The following CEP164 variants were observed in gnomAD, a reference collection of about 807,000 sequenced individuals.
CEP164 encodes the protein centrosomal protein 164, also known as centrosomal protein of 164 kDa.
Under a neutral mutation model 182.7 loss-of-function variants are expected in CEP164, and 162 were observed. That is an observed-to-expected ratio of 0.89 (90% confidence interval 0.78 to 1.01). The LOEUF is 1.01. Ranked by LOEUF, CEP164 falls within the 50% of genes least tolerant of loss-of-function variation. CEP164 has a pLI of 0.00. For missense variants in CEP164, 1,735 were observed against 1,790.4 expected, an observed-to-expected ratio of 0.97 and a Z score of 0.56; for synonymous variants, 661 against 690.0, an observed-to-expected ratio of 0.96 and a Z score of 0.66.
At chr11:117,374,060 A>G (rs2042490699) in intron 10 of CEP164, among the ~76,000 whole-genome samples, 1 of 152,116 alleles carries the variant, frequency 6.6e-6, no homozygotes, top group Non-Finnish European at 1.5e-5. Flanking sequence ...AAATGTTAGC[A>G]TATAAACATT....
chr11:117,405,959 A>G (rs2046628536), intron 27 of CEP164, among the ~76,000 whole-genome samples: 1 of 152,180 alleles, frequency 6.6e-6, no homozygotes, highest in South Asian at 2.1e-4. Context: ...AAGCCATTCA[A>G]CAAGTCTCTA....
chr11:117,373,344 A>C, intron 9 of CEP164, among the ~76,000 whole-genome samples: 1 of 151,984 alleles, frequency 6.6e-6, no homozygotes, highest in Non-Finnish European at 1.5e-5. Flanking sequence ...CCTGGGGGAC[A>C]GAGCGAGACT....
intron 3 of CEP164, among the ~76,000 whole-genome samples, chr11:117,343,653 G>T (rs989506559): frequency 1.5e-5 from 2 of 137,536 alleles, no homozygotes; most frequent in East Asian, 2.1e-4. Context: ...TTTTTGAGAC[G>T]AAGTCTTGCT....
intron 14 of CEP164, among the ~76,000 whole-genome samples, chr11:117,384,042 A>G (rs1483804679): frequency 1.3e-5 from 2 of 152,144 alleles, no homozygotes; most frequent in African/African-American, 4.8e-5. Flanking sequence ...GTCTCAAATA[A>G]AAACACTAGT....
At chr11:117,357,266 C>T (rs1354440815) in intron 5 of CEP164, among the ~76,000 whole-genome samples, 1 of 151,866 alleles carries the variant, frequency 6.6e-6, no homozygotes, top group Non-Finnish European at 1.5e-5. Flanking sequence ...ACCACCACTC[C>T]CAGCCAATTT....
intron 5 of CEP164, among the ~76,000 whole-genome samples, chr11:117,357,659 T>C (rs139565738): frequency 1.6e-3 from 246 of 152,252 alleles, no homozygotes; most frequent in African/African-American, 2.7e-3. Flanking sequence ...TGACCTCAAG[T>C]GATCTGCCTG....
chr11:117,386,290 C>T (rs1027873193), intron 14 of CEP164: 23 of 152,226 alleles, frequency 1.5e-4, no homozygotes, highest in African/African-American at 4.6e-4. Flanking sequence ...TTATCCTGCT[C>T]ATGGTTTCCT....
At chr11:117,402,630 T>C (rs988063491) in intron 27 of CEP164, among the ~76,000 whole-genome samples, 1 of 152,202 alleles carries the variant, frequency 6.6e-6, no homozygotes, top group African/African-American at 2.4e-5. Flanking sequence ...TACTTCCAAT[T>C]ATGTGGTCAG....
Position 117,381,734 on chromosome 11 carries a change from C to T in CEP164, c.1443C>T (p.Ala481=), listed in dbSNP as rs1454634540. ...CTCCACTTCCACACGAGGAGCGGGCCCAGAGTCCCCCTCGCAGCCTGGCCA... is the reference window on the plus strand; with the variant it reads ...CTCCACTTCCACACGAGGAGCGGGCTCAGAGTCCCCCTCGCAGCCTGGCCA... ...LSPPLPHEER[A]QSPPRSLATE... Residue 481 remains alanine (A), a synonymous_variant, in exon 13 of 33, where the codon GCC becomes GCT. Transcript: ENST00000278935. The T allele has an allele frequency of 6.2e-7, 1 of 1,610,086 alleles. No homozygotes were observed. Among genetic ancestry groups the T allele is most frequent in the East Asian group, 2.2e-5 (1 of 44,810 alleles).
chr11:117,359,670 A>G (rs970604353), intron 5 of CEP164: 1 of 864,080 alleles, frequency 1.2e-6, no homozygotes, highest in Non-Finnish European at 1.4e-6. Context: ...CATCTTAGAC[A>G]TTTTAAGTTT....
At position 117,409,426 on chromosome 11, in the gene CEP164, G is replaced by A. The variant is rs1368548764; in HGVS notation, c.3749-192G>A. 9.9e-6 allele frequency: 6 copies of A among 608,508 alleles called. No homozygotes were observed. Among genetic ancestry groups the A allele is most frequent in the Non-Finnish European group, 1.7e-5 (6 of 349,374 alleles). The allele number at this position is 608,508 out of a possible 1,614,324, so 37.7% of individuals were successfully genotyped here. A position where few individuals can be genotyped will look rare whatever the true frequency, so the allele number is the denominator to read the frequency against. On this transcript the variant is annotated intron_variant, in intron 29 of 32. Transcript: ENST00000278935. This position sits in a 1 kb window ranked among gnomAD's most constrained non-coding sequence, Gnocchi z 4.4. ...CTTGCCCTGGAAACCTGTTTCTCAT[G>A]GCCAGCTTCTCACTTGCACTGTCTG...
intron 14 of CEP164, among the ~76,000 whole-genome samples, chr11:117,383,952 C>G (rs2043644994): frequency 6.6e-6 from 1 of 152,188 alleles, no homozygotes; most frequent in Non-Finnish European, 1.5e-5. Context: ...AGGAGAATTG[C>G]TTGAACCTGG....
At chr11:117,336,430 T>C in intron 2 of CEP164, 2 of 1,389,004 alleles carry the variant, frequency 1.4e-6, no homozygotes, top group Non-Finnish European at 2.0e-6. Context: ...GCATCCTGGA[T>C]ACCCTGGCTG....
chr11:117,323,213 T>C (rs1309514778), upstream of CEP164, among the ~76,000 whole-genome samples: 1 of 152,140 alleles, frequency 6.6e-6, no homozygotes, highest in East Asian at 1.9e-4. Context: ...TTCCTTCTAA[T>C]AGTAACTTTA....
At chr11:117,361,032 T>A (rs1320748813) in intron 5 of CEP164, among the ~76,000 whole-genome samples, 5 of 151,064 alleles carry the variant, frequency 3.3e-5, no homozygotes, top group African/African-American at 1.2e-4. Context: ...CCTCCCGGGT[T>A]CAAGTGATTC....
chr11:117,384,469 C>G (rs2043712534), intron 14 of CEP164: 1 of 152,198 alleles, frequency 6.6e-6, no homozygotes, highest in Non-Finnish European at 1.5e-5. Context: ...GGATGTAGTT[C>G]AGAGAGAGGA....
rs576170494 is a variant in CEP164 at position 117,356,657 on chromosome 11, G to C, written c.393+4669G>C. 1.4e-5 allele frequency: 17 copies of C among 1,237,890 alleles called. No homozygotes were observed. The East Asian group carries it at 9.5e-4, about 69-fold the overall frequency. 76.7% of individuals were successfully genotyped at this position (1,237,890 alleles called of 1,614,324 possible). On this transcript the variant is annotated intron_variant, in intron 5 of 32. Transcript: ENST00000278935. ...GAGCATGGCCTAAAGGCCTAAACTTGGCAGGGAGGGAGCAGGTGGAGTTGA... is the reference window on the plus strand; with the variant it reads ...GAGCATGGCCTAAAGGCCTAAACTTCGCAGGGAGGGAGCAGGTGGAGTTGA...
intron 1 of CEP164, among the ~76,000 whole-genome samples, chr11:117,331,337 A>G (rs1050504929): frequency 2.0e-5 from 3 of 152,192 alleles, no homozygotes; most frequent in African/African-American, 7.2e-5. Flanking sequence ...TTAGAACCTG[A>G]TTATTGGCTT....
intron 27 of CEP164, among the ~76,000 whole-genome samples, chr11:117,399,401 G>A (rs1311460193): frequency 6.6e-6 from 1 of 152,148 alleles, no homozygotes; most frequent in Non-Finnish European, 1.5e-5. Flanking sequence ...CATTTGGGTT[G>A]GTTCCAAGTC....
Sources: gnomAD v4.1 joint callset for allele counts (sites outside exome capture counted in the v4.1 genomes callset) on GRCh38, gnomAD v4.1.1 for gene constraint, Gnocchi (gnomAD v3.1) non-coding constraint, MANE v1.5 for transcripts, NCBI Gene and HGNC (gene_info 2026-07-23, HGNC 2026-07-21) for gene names.